KCNH8: variants seen among roughly 807,000 people sequenced by gnomAD.
KCNH8 encodes the protein potassium voltage-gated channel subfamily H member 8, also known as voltage-gated delayed rectifier potassium channel KCNH8.
A neutral mutation model predicts 103.6 loss-of-function variants in KCNH8; 70 were observed. The observed-to-expected ratio is 0.68, with a 90% CI of 0.56 to 0.82. The LOEUF is 0.82. Among genes scored for constraint, KCNH8 ranks in the 40% least tolerant of loss-of-function variants. The pLI, the probability that KCNH8 is intolerant of heterozygous loss-of-function variation, is 0.00. For missense variants in KCNH8, 1,217 were observed against 1,329.9 expected (o/e 0.92, Z 1.32); for synonymous variants, 498 against 489.4 (o/e 1.02, Z -0.23).
At chr3:19,304,309 C>A (rs2065101495) in intron 3 of KCNH8, among the ~76,000 whole-genome samples, 2 of 152,244 alleles carry the variant, frequency 1.3e-5, no homozygotes, top group Admixed American at 1.3e-4. Context: ...TATCTAGCTT[C>A]AGTCTTAAAT....
At chr3:19,407,730 C>T (rs1300090012) in intron 7 of KCNH8, among the ~76,000 whole-genome samples, 2 of 152,108 alleles carry the variant, frequency 1.3e-5, no homozygotes, top group African/African-American at 4.8e-5. Flanking sequence ...CTGAGTCATA[C>T]CACCCCTCCA....
At chr3:19,245,459 A>T (rs2064192155) in intron 1 of KCNH8, among the ~76,000 whole-genome samples, 1 of 152,220 alleles carries the variant, frequency 6.6e-6, no homozygotes, top group African/African-American at 2.4e-5. Context: ...TTGTTTCCAT[A>T]CGAATTTTAG....
Position 19,503,382 on chromosome 3 carries a change from G to T in KCNH8, c.2041-6981G>T, listed in dbSNP as rs866432422. On this transcript the variant is annotated intron_variant, in intron 11 of 15. Coordinates refer to ENST00000328405, the MANE Select transcript of KCNH8 (RefSeq NM_144633.3). Reference sequence around the variant, plus strand: ...GAAGTCAGTGTGGCGATTCCTCAGGGGTCTAGAACTAGAAATACCATTTGA... The same window carrying T: ...GAAGTCAGTGTGGCGATTCCTCAGGTGTCTAGAACTAGAAATACCATTTGA... 3.9e-5 allele frequency among the ~76,000 whole-genome samples: 6 copies of T among 152,214 alleles called. No individual in the cohort carries two copies. In the East Asian group the frequency reaches 1.2e-3, roughly 29 times the overall value.
chr3:19,532,574 C>CAAAT (rs2069181125), intron 15 of KCNH8, among the ~76,000 whole-genome samples: 1 of 152,112 alleles, frequency 6.6e-6, no homozygotes, highest in African/African-American at 2.4e-5. Context: ...GTGTCTACTC[C>CAAAT]AAATAGGTAG....
intron 3 of KCNH8, among the ~76,000 whole-genome samples, chr3:19,300,521 C>G (rs1386479560): frequency 6.6e-6 from 1 of 152,276 alleles, no homozygotes. Context: ...TATCATATAA[C>G]TGTGCTTGAT....
chr3:19,224,079 A>G (rs2063903522), intron 1 of KCNH8, among the ~76,000 whole-genome samples: 1 of 152,178 alleles, frequency 6.6e-6, no homozygotes, highest in Admixed American at 6.5e-5. Flanking sequence ...CTTAAAAGAC[A>G]GAGCCAAGAT....
chr3:19,377,525 C>T (rs1351985235), intron 5 of KCNH8, among the ~76,000 whole-genome samples: 1 of 152,154 alleles, frequency 6.6e-6, no homozygotes, highest in Non-Finnish European at 1.5e-5. Flanking sequence ...CAAAGTTCCA[C>T]AGCTGTCCTA....
intron 6 of KCNH8, among the ~76,000 whole-genome samples, chr3:19,393,976 AG>A: frequency 6.6e-6 from 1 of 152,116 alleles, no homozygotes; most frequent in East Asian, 1.9e-4. Context: ...GTACTGTTCT[AG>A]GTATGTTTTT....
At position 19,281,324 on chromosome 3, in the gene KCNH8, AAG is replaced by A; in HGVS notation, c.439_440del (p.Glu147ArgfsTer14). 6.3e-7 allele frequency: 1 copy of A among 1,599,982 alleles called. No homozygotes were observed. Among genetic ancestry groups the A allele is most frequent in the Non-Finnish European group, 8.5e-7 (1 of 1,175,222 alleles). ...GTGAAGATTACTCCAGAAGATAAAAAAGAAGGTTTGTACCGTTTTCAGAAAAC... is the reference window on the plus strand; with the variant it reads ...GTGAAGATTACTCCAGAAGATAAAAAAAGGTTTGTACCGTTTTCAGAAAAC... On this transcript the variant is annotated frameshift_variant, in exon 3 of 16. Transcript: ENST00000328405. LOFTEE classifies it high-confidence loss of function.
intron 6 of KCNH8, among the ~76,000 whole-genome samples, chr3:19,394,663 T>C (rs759225393): frequency 2.4e-4 from 37 of 152,162 alleles, no homozygotes; most frequent in Non-Finnish European, 3.5e-4. Context: ...TTATTATCAC[T>C]TTCTGTGCCT....
intron 3 of KCNH8, among the ~76,000 whole-genome samples, chr3:19,335,330 G>T (rs2065567836): frequency 6.6e-6 from 1 of 151,488 alleles, no homozygotes; most frequent in Non-Finnish European, 1.5e-5. Context: ...TGCTACATGA[G>T]ATTGATATAT....
At chr3:19,319,805 A>T (rs1160453340) in intron 3 of KCNH8, among the ~76,000 whole-genome samples, 2 of 151,822 alleles carry the variant, frequency 1.3e-5, no homozygotes, top group Admixed American at 6.6e-5. Flanking sequence ...TGAGCATGGG[A>T]TATGTTTCCG....
Position 19,376,864 on chromosome 3 carries a change from A to G in KCNH8, c.812-13617A>G, listed in dbSNP as rs988958369. ...CTCTCATTCCCCTTTTTGGGAGACC[A>G]ATAGTGAACAAAGAGATGTCCAAAA... On this transcript the variant is annotated intron_variant, in intron 5 of 15. Coordinates refer to ENST00000328405, the MANE Select transcript of KCNH8 (RefSeq NM_144633.3). 3.3e-5 allele frequency among the ~76,000 whole-genome samples: 5 copies of G among 152,366 alleles called. No homozygotes were observed. The South Asian group carries it at 1.0e-3, about 32-fold the overall frequency.
chr3:19,458,476 T>A (rs1321652762), intron 11 of KCNH8, among the ~76,000 whole-genome samples: 1 of 151,902 alleles, frequency 6.6e-6, no homozygotes, highest in African/African-American at 2.4e-5. Context: ...TTATTAAGGA[T>A]CCTTATCTTT....
Position 19,271,327 on chromosome 3 carries a change from A to G in KCNH8, c.311-9871A>G, listed in dbSNP as rs1180049157. On this transcript the variant is annotated intron_variant, in intron 2 of 15. Coordinates refer to ENST00000328405, the MANE Select transcript of KCNH8 (RefSeq NM_144633.3). ...CTCATCATCTTTAAGATCTTTTTTA[A>G]CTCGAGCAATCTGAAATGCCTTTGT... Among the ~76,000 whole-genome samples, 9 of 152,094 alleles carry G rather than the reference A, an allele frequency of 5.9e-5. No homozygotes were observed. In the South Asian group the frequency reaches 1.9e-3, roughly 31 times the overall value.
intron 11 of KCNH8, 137 bp downstream of exon 11, chr3:19,457,119 T>G: frequency 1.8e-6 from 1 of 561,914 alleles, no homozygotes; most frequent in South Asian, 2.9e-5. Flanking sequence ...AGCCACCAGT[T>G]AAGCAATTAA....
chr3:19,155,964 A>G (rs973918496), intron 1 of KCNH8, among the ~76,000 whole-genome samples: 9 of 152,206 alleles, frequency 5.9e-5, no homozygotes, highest in African/African-American at 2.2e-4. Context: ...TTCTTTGAGT[A>G]AAAGAATTTC....
chr3:19,194,387 C>T (rs1173885987), intron 1 of KCNH8, among the ~76,000 whole-genome samples: 1 of 151,694 alleles, frequency 6.6e-6, no homozygotes, highest in Non-Finnish European at 1.5e-5. Context: ...GTAAGGATCA[C>T]AAGTTGTATG....
rs1315747987 is a variant in KCNH8, at chr3:19,148,537, G to A, written c.-183G>A. Reference sequence around the variant, plus strand: ...TCTTGGGGCTCCTCCTGCCACAGCCGGGGCGGCTGGAACTCTCTCCCTTTC... The same window carrying A: ...TCTTGGGGCTCCTCCTGCCACAGCCAGGGCGGCTGGAACTCTCTCCCTTTC... On this transcript the variant is annotated 5_prime_UTR_variant, in exon 1 of 16. Transcript: ENST00000328405. The A allele has an allele frequency of 1.5e-5, 9 of 619,880 alleles. No homozygotes were observed. Among genetic ancestry groups the A allele is most frequent in the Admixed American group, 1.1e-4 (4 of 36,662 alleles). 38.4% of individuals were successfully genotyped at this position (619,880 alleles called of 1,614,324 possible). A position where few individuals can be genotyped will look rare whatever the true frequency, so the allele number is the denominator to read the frequency against.
Sources: allele counts gnomAD v4.1 joint callset (sites outside exome capture counted in the v4.1 genomes callset), GRCh38; gene constraint gnomAD v4.1.1; transcripts MANE v1.5; gene names NCBI Gene and HGNC (gene_info 2026-07-23, HGNC 2026-07-21).